The following YARS1 variants were observed in gnomAD, a reference collection of about 807,000 sequenced individuals.
YARS1 encodes the protein tyrosyl-tRNA synthetase 1.
A neutral mutation model predicts 62.2 loss-of-function variants in YARS1; 36 were observed. The observed-to-expected ratio is 0.58, with a 90% CI of 0.44 to 0.76. The LOEUF (loss-of-function observed/expected upper bound fraction) is 0.76. YARS1 is among the 30% of genes least tolerant of loss of function. YARS1 has a pLI of 0.00. For synonymous variants in YARS1, 234 were observed against 244.9 expected (o/e 0.96, Z 0.42); for missense variants, 524 against 639.8 (o/e 0.82, Z 1.95).
intron 4 of YARS1, among the ~76,000 whole-genome samples, chr1:32,805,010 C>A: frequency 6.6e-6 from 1 of 152,192 alleles, no homozygotes; most frequent in Non-Finnish European, 1.5e-5. Flanking sequence ...GCGGGTAGAT[C>A]ACTCGCGGTC....
At chr1:32,780,987 G>T in intron 10 of YARS1, 61 bp downstream of exon 10, 1 of 1,511,932 alleles carries the variant, frequency 6.6e-7, no homozygotes, top group Non-Finnish European at 9.2e-7. Context: ...GTTTCCTCCG[G>T]ATGGAAACAG....
chr1:32,798,518 C>A (rs1381796798), intron 4 of YARS1, among the ~76,000 whole-genome samples: 3 of 152,092 alleles, frequency 2.0e-5, no homozygotes, highest in Admixed American at 1.3e-4. Context: ...TGTGAGAATT[C>A]GGGAAAAAGG....
Position 32,780,060 on chromosome 1 carries a change from T to C in YARS1, c.1334+25A>G, listed in dbSNP as rs1265433096. 6 of 1,613,718 alleles carry C rather than the reference T, an allele frequency of 3.7e-6. No homozygotes were observed. In the African/African-American group the frequency reaches 8.0e-5, roughly 22 times the overall value. On this transcript the variant is annotated intron_variant, in intron 11 of 12. Transcript: ENST00000373477. ...CTCTTCCTGGCCTCCCCAGGTCCTG[T>C]GCCCCACTCCAAGTCCTCACTCACA... is the stretch of plus-strand genomic sequence containing the variant.
chr1:32,803,278 T>C (rs1008758524), intron 4 of YARS1, among the ~76,000 whole-genome samples: 5 of 150,432 alleles, frequency 3.3e-5, no homozygotes, highest in African/African-American at 9.9e-5. Flanking sequence ...ATGCCTGGCC[T>C]AATTCTTCTT....
chr1:32,779,710 G>A (rs1652991406), intron 11 of YARS1, 187 bp from the exon 12 acceptor site: 1 of 726,920 alleles, frequency 1.4e-6, no homozygotes. Flanking sequence ...ATTAACCCAG[G>A]CTATACCAAA....
chr1:32,781,558 GA>G (rs763232787), intron 9 of YARS1: 729 of 135,932 alleles, frequency 5.4e-3, no homozygotes, highest in South Asian at 0.017. Context: ...GTCTCTTTTA[GA>G]AAAAAAAAAA....
intron 6 of YARS1, among the ~76,000 whole-genome samples, chr1:32,789,894 T>A (rs181211408): frequency 6.7e-6 from 1 of 149,694 alleles, no homozygotes; most frequent in East Asian, 2.0e-4. Flanking sequence ...CTGGCCCTTT[T>A]TTTTTTGAGA....
At chr1:32,785,956 T>C (rs547224149) in intron 8 of YARS1, among the ~76,000 whole-genome samples, 1 of 152,038 alleles carries the variant, frequency 6.6e-6, no homozygotes, top group Admixed American at 6.6e-5. Flanking sequence ...AACAGAATGG[T>C]TGTATGGGTA....
chr1:32,802,081 G>A (rs1434003773), intron 4 of YARS1, among the ~76,000 whole-genome samples: 1 of 150,360 alleles, frequency 6.7e-6, no homozygotes, highest in East Asian at 2.0e-4. Context: ...CCAAGTAGCT[G>A]GGACTACAGG....
At chr1:32,787,240 C>T (rs779097341) in intron 6 of YARS1, among the ~76,000 whole-genome samples, 165 bp from the exon 7 acceptor site, 4 of 152,038 alleles carry the variant, frequency 2.6e-5, no homozygotes, top group Non-Finnish European at 5.9e-5. Flanking sequence ...AGAGATTCTC[C>T]CATCTCAGCC....
Position 32,776,150 on chromosome 1 carries a change from C to T in YARS1, c.1477-59G>A, listed in dbSNP as rs920728113. On this transcript the variant is annotated intron_variant, in intron 12 of 12. Transcript: ENST00000373477. This position sits in a 1 kb window ranked among gnomAD's most constrained non-coding sequence, Gnocchi z 4.0. ...GGTGGTGGGACTGCAAGAAAACCCCCCCTTTTTTGGAGGGGGGGCAGAGTT... is the reference window on the plus strand; with the variant it reads ...GGTGGTGGGACTGCAAGAAAACCCCTCCTTTTTTGGAGGGGGGGCAGAGTT... 37 of 1,446,870 alleles carry T rather than the reference C, an allele frequency of 2.6e-5. No individual in the cohort carries two copies. The highest frequency in any genetic ancestry group is 4.2e-5 in the African/African-American group (3 of 71,248). The allele number at this position is 1,446,870 out of a possible 1,614,324, so 89.6% of individuals were successfully genotyped here.
rs1653001069 is a variant in YARS1 at position 32,780,067 on chromosome 1, C to T, written c.1334+18G>A. The T allele has an allele frequency of 1.9e-6, 3 of 1,614,044 alleles. No homozygotes were observed. The highest frequency in any genetic ancestry group is 2.2e-5 in the South Asian group (2 of 91,072). On this transcript the variant is annotated intron_variant, in intron 11 of 12. Coordinates refer to ENST00000373477, the MANE Select transcript of YARS1 (RefSeq NM_003680.4). ...TGGCCTCCCCAGGTCCTGTGCCCCA[C>T]TCCAAGTCCTCACTCACATAGAAGC...
At position 32,792,891 on chromosome 1, in the gene YARS1, A is replaced by T. The variant is rs187336048; in HGVS notation, c.592-1637T>A. Reference sequence around the variant, plus strand: ...CGAGACTCCATCTCAAAAAAAAATAAAAATAAAAATAAATAAATAAATAAA... The same window carrying T: ...CGAGACTCCATCTCAAAAAAAAATATAAATAAAAATAAATAAATAAATAAA... On this transcript the variant is annotated intron_variant, in intron 5 of 12. Transcript: ENST00000373477. Among the ~76,000 whole-genome samples the T allele has an allele frequency of 7.7e-3, 1,162 of 151,418 alleles. 14 individuals are homozygous for T. Among genetic ancestry groups the T allele is most frequent in the African/African-American group, 0.026 (1,069 of 41,448 alleles).
At chr1:32,778,831 C>T (rs1296478175) in intron 12 of YARS1, among the ~76,000 whole-genome samples, 3 of 151,334 alleles carry the variant, frequency 2.0e-5, no homozygotes, top group Admixed American at 6.6e-5. Context: ...CTCTGCCTCC[C>T]GGGTTCAAGT....
chr1:32,786,605 A>C lies in YARS1; in HGVS notation c.821-158T>G, dbSNP rs147849252. On this transcript the variant is annotated intron_variant, in intron 7 of 12. Transcript: ENST00000373477. ...ATTCTTAAATTGGATGAGTGGCACT[A>C]TTGTATACCCAGCTAGCATCTCAGC... The C allele has an allele frequency of 1.3e-4, 104 of 797,158 alleles. No individual in the cohort carries two copies. The African/African-American group carries it at 1.6e-3, about 12-fold the overall frequency. The allele number at this position is 797,158 out of a possible 1,614,324, so 49.4% of individuals were successfully genotyped here.
At chr1:32,788,410 C>G (rs1017299715) in intron 6 of YARS1, among the ~76,000 whole-genome samples, 1 of 152,038 alleles carries the variant, frequency 6.6e-6, no homozygotes, top group Non-Finnish European at 1.5e-5. Context: ...AAAACCATGC[C>G]TGGCTAATTT....
At chr1:32,809,180 G>A (rs775407467) in intron 3 of YARS1, among the ~76,000 whole-genome samples, 25 of 151,670 alleles carry the variant, frequency 1.6e-4, no homozygotes, top group Non-Finnish European at 2.4e-4. Flanking sequence ...TCCACCTCCT[G>A]GGTTCAAGTG....
chr1:32,786,699 C>T (rs1233131027), intron 7 of YARS1: 1 of 700,110 alleles, frequency 1.4e-6, no homozygotes, highest in Non-Finnish European at 2.4e-6. Flanking sequence ...TGTCTGCCCC[C>T]ACCCTTACTT....
intron 8 of YARS1, among the ~76,000 whole-genome samples, chr1:32,785,452 C>G (rs1183901614): frequency 6.7e-6 from 1 of 150,196 alleles, no homozygotes; most frequent in Admixed American, 6.6e-5. Context: ...CAGAGTGAGA[C>G]TCTGTCTCAA....
Sources: allele counts gnomAD v4.1 joint callset (sites outside exome capture counted in the v4.1 genomes callset), GRCh38; gene constraint gnomAD v4.1.1; non-coding constraint Gnocchi (gnomAD v3.1); transcripts MANE v1.5; gene names NCBI Gene and HGNC (gene_info 2026-07-23, HGNC 2026-07-21).